VRK2: variants seen among roughly 807,000 people sequenced by gnomAD.
VRK2 encodes the protein serine/threonine-protein kinase VRK2.
A neutral mutation model predicts 57.6 loss-of-function variants in VRK2; 60 were observed. The ratio of observed to expected loss-of-function variants is 1.04; its 90% confidence interval spans 0.85 to 1.29. VRK2 has a LOEUF of 1.29. Ranked by LOEUF, VRK2 falls within the 50% of genes most tolerant of loss-of-function variation. The pLI, the probability that VRK2 is intolerant of heterozygous loss-of-function variation, is 0.00. For synonymous variants in VRK2, 231 were observed against 199.2 expected (o/e 1.16, Z -1.35); for missense variants, 705 against 588.1 (o/e 1.20, Z -2.06).
intron 12 of VRK2, among the ~76,000 whole-genome samples, chr2:58,155,594 C>A (rs1380523405): frequency 6.6e-6 from 1 of 152,086 alleles, no homozygotes. Flanking sequence ...GATAGGGTAT[C>A]ACCTTGTTAG....
intron 7 of VRK2, among the ~76,000 whole-genome samples, chr2:58,105,401 G>A (rs1231193940): frequency 1.3e-5 from 2 of 151,696 alleles, no homozygotes; most frequent in African/African-American, 4.8e-5. Context: ...AACAGATATT[G>A]TTTAAAATAA....
intron 10 of VRK2, among the ~76,000 whole-genome samples, chr2:58,139,268 A>G (rs556693017): frequency 1.1e-4 from 17 of 152,252 alleles, no homozygotes; most frequent in African/African-American, 3.6e-4. Context: ...GAGGTTTATA[A>G]TAAGTAACAC....
At chr2:58,013,348 T>C (rs1481428957) in intron 1 of VRK2, among the ~76,000 whole-genome samples, 2 of 152,236 alleles carry the variant, frequency 1.3e-5, no homozygotes, top group African/African-American at 4.8e-5. Flanking sequence ...TCAAAATGCA[T>C]AATGAGGCAG....
chr2:57,908,600 A>G (rs1445818968), intron 1 of VRK2, among the ~76,000 whole-genome samples: 1 of 152,224 alleles, frequency 6.6e-6, no homozygotes, highest in Non-Finnish European at 1.5e-5. Flanking sequence ...CTGGCTCTTA[A>G]TAAACCTTTT....
chr2:57,933,117 G>C (rs1670784774), intron 1 of VRK2, among the ~76,000 whole-genome samples: 1 of 151,856 alleles, frequency 6.6e-6, no homozygotes. Context: ...AGAATGATCT[G>C]TGTATGCCTA....
At chr2:58,022,840 A>T (rs1673802417) in intron 1 of VRK2, among the ~76,000 whole-genome samples, 2 of 152,204 alleles carry the variant, frequency 1.3e-5, no homozygotes, top group Admixed American at 6.5e-5. Flanking sequence ...ACACCACTGC[A>T]CTTCTGCCTG....
At chr2:58,046,730 T>A, upstream of VRK2, 3 of 985,500 alleles carry the variant, frequency 3.0e-6, no homozygotes, top group Non-Finnish European at 3.6e-6. Flanking sequence ...TGGAGAGAAG[T>A]TAGGCAGGTC....
chr2:57,915,897 A>C (rs1670131546), intron 1 of VRK2, among the ~76,000 whole-genome samples: 1 of 152,088 alleles, frequency 6.6e-6, no homozygotes, highest in Non-Finnish European at 1.5e-5. Context: ...CTGCTTGTGA[A>C]CTGTGCATGT....
At chr2:58,158,433 C>T (rs1462670749) in intron 12 of VRK2, among the ~76,000 whole-genome samples, 2 of 152,100 alleles carry the variant, frequency 1.3e-5, no homozygotes, top group South Asian at 2.1e-4. Flanking sequence ...TCCTTTCTGA[C>T]ACTTCCAAAA....
At chr2:57,982,811 G>C (rs564939217) in intron 1 of VRK2, among the ~76,000 whole-genome samples, 1 of 152,190 alleles carries the variant, frequency 6.6e-6, no homozygotes, top group East Asian at 1.9e-4. Flanking sequence ...AGTGAACATT[G>C]GGGAATGGGC....
At position 58,159,598 on chromosome 2, in the gene VRK2, ACTC is replaced by A; in HGVS notation, c.1433_1435del (p.Thr478_Leu479delinsIle). On this transcript the variant is annotated inframe_deletion, in exon 13 of 13. Coordinates refer to ENST00000340157, the MANE Select transcript of VRK2 (RefSeq NM_006296.7). ...ACTTTGGCCTACAATTTCCCAGTTT[ACTC>A]TTAGTGAAGAGACAAACGCAGATGT... 6.2e-7 allele frequency: 1 copy of A among 1,613,784 alleles called. No individual in the cohort carries two copies. The highest frequency in any genetic ancestry group is 1.1e-5 in the South Asian group (1 of 91,070).
chr2:57,992,225 A>G (rs1672789916), intron 1 of VRK2, among the ~76,000 whole-genome samples: 1 of 152,234 alleles, frequency 6.6e-6, no homozygotes, highest in Non-Finnish European at 1.5e-5. Flanking sequence ...GCATGTTTTC[A>G]ATCAGAAGCT....
At chr2:58,102,818 T>C (rs77452423) in intron 7 of VRK2, among the ~76,000 whole-genome samples, 7,051 of 151,670 alleles carry the variant, frequency 0.046, 297 homozygotes, top group Admixed American at 0.13. Context: ...TTCTCCAAGA[T>C]AGACTGTATG....
intron 11 of VRK2, 86 bp downstream of exon 11, chr2:58,139,918 T>G (rs1410119980): frequency 7.3e-7 from 1 of 1,364,572 alleles, no homozygotes; most frequent in Non-Finnish European, 9.8e-7. Flanking sequence ...TCAAAATGAG[T>G]CTGACAGCTT....
chr2:58,044,024 C>T (rs533027511), upstream of VRK2, among the ~76,000 whole-genome samples: 384 of 152,240 alleles, frequency 2.5e-3, 1 homozygote, highest in Non-Finnish European at 4.0e-3. Context: ...GCTAGGTTTT[C>T]TCTAAAAAGT....
chr2:57,928,847 G>A (rs149230632), intron 1 of VRK2, among the ~76,000 whole-genome samples: 62 of 152,326 alleles, frequency 4.1e-4, no homozygotes, highest in African/African-American at 1.5e-3. Context: ...AGATCCAGAA[G>A]AATTCTCTAG....
intron 7 of VRK2, among the ~76,000 whole-genome samples, chr2:58,112,642 CAAA>C (rs1675744941): frequency 6.6e-6 from 1 of 151,506 alleles, no homozygotes; most frequent in Non-Finnish European, 1.5e-5. Flanking sequence ...ATATGAGACT[CAAA>C]GAAGGTCCAG....
At chr2:58,000,561 G>T (rs977091420) in intron 1 of VRK2, among the ~76,000 whole-genome samples, 9 of 152,028 alleles carry the variant, frequency 5.9e-5, no homozygotes, top group African/African-American at 2.2e-4. Context: ...CTCAGCTTAG[G>T]ATTTCACTAT....
chr2:58,058,124 G>T (rs568182792), intron 2 of VRK2, among the ~76,000 whole-genome samples: 1 of 152,196 alleles, frequency 6.6e-6, no homozygotes, highest in South Asian at 2.1e-4. Context: ...ACACTGAGAG[G>T]CAAGGGCTCA....
Sources: allele counts gnomAD v4.1 joint callset (sites outside exome capture counted in the v4.1 genomes callset), GRCh38; gene constraint gnomAD v4.1.1; transcripts MANE v1.5; gene names NCBI Gene and HGNC (gene_info 2026-07-23, HGNC 2026-07-21).